Variants in PCDH11X observed in about 807,000 individuals in gnomAD.
The protein encoded by PCDH11X is protocadherin 11 X-linked, also known as protocadherin-11 X-linked.
Under a neutral mutation model 53.3 loss-of-function variants are expected in PCDH11X, and 18 were observed. The ratio of observed to expected loss-of-function variants is 0.34; its 90% CI spans 0.23 to 0.50. The LOEUF (loss-of-function observed/expected upper bound fraction) is 0.50. PCDH11X is among the 20% of genes least tolerant of loss of function. The pLI is 0.98. For missense variants in PCDH11X, 570 were observed against 1,032.4 expected, an observed-to-expected ratio of 0.55 and a Z score of 6.14; for synonymous variants, 279 against 393.3, an observed-to-expected ratio of 0.71 and a Z score of 3.44.
At chrX:92,383,447 G>C (rs1315342759) in intron 8 of PCDH11X, among the ~76,000 whole-genome samples, 1 of 109,287 alleles carries the variant, frequency 9.2e-6, no homozygotes, top group African/African-American at 3.3e-5. Flanking sequence ...TCTACATTAG[G>C]TATTTCTCCT....
rs61496530 is a variant in PCDH11X at position 91,990,345 on chromosome X, A to AT, written c.3033+111083dup. ...TTCCATATCTTTGCAGAAACTTTCT[A>AT]TTTTTTTTTTTCATTTGTTTCAATG... On this transcript the variant is annotated intron_variant, in intron 6 of 10. Coordinates refer to ENST00000682573, the MANE Select transcript of PCDH11X (RefSeq NM_032968.5). 9.9e-3 allele frequency among the ~76,000 whole-genome samples: 895 copies of AT among 90,203 alleles called. 13 individuals carry two copies. Among genetic ancestry groups the AT allele is most frequent in the African/African-American group, 0.036 (807 of 22,533 alleles). The allele number at this position is 90,203 out of a possible 115,157, so 78.3% of individuals were successfully genotyped here.
chrX:92,277,693 G>A (rs1042562125), intron 8 of PCDH11X, among the ~76,000 whole-genome samples: 4 of 109,420 alleles, frequency 3.7e-5, no homozygotes, highest in East Asian at 5.8e-4. Context: ...AGGGGTCAGG[G>A]CACGGAAATA....
At chrX:92,610,238 T>TC (rs1927230670) in intron 10 of PCDH11X, among the ~76,000 whole-genome samples, 1 of 112,221 alleles carries the variant, frequency 8.9e-6, no homozygotes, top group South Asian at 3.7e-4. Context: ...TTCTCTTTTC[T>TC]CCCCAACTTT....
At chrX:91,970,831 T>C (rs12861103) in intron 6 of PCDH11X, among the ~76,000 whole-genome samples, 1 of 111,701 alleles carries the variant, frequency 9.0e-6, no homozygotes, top group Admixed American at 9.6e-5. Context: ...TACTGAAATA[T>C]GGTGATATGG....
At chrX:92,040,550 G>A (rs1035338127) in intron 6 of PCDH11X, among the ~76,000 whole-genome samples, 2 of 111,804 alleles carry the variant, frequency 1.8e-5, no homozygotes, top group African/African-American at 6.5e-5. Flanking sequence ...CACTGCCAGC[G>A]ATATGGGAGG....
chrX:92,099,601 GGA>G (rs2148132258), intron 6 of PCDH11X, among the ~76,000 whole-genome samples: 1 of 111,922 alleles, frequency 8.9e-6, no homozygotes. Context: ...GAATAAAAAT[GGA>G]GAAAGAATAA....
intron 6 of PCDH11X, among the ~76,000 whole-genome samples, chrX:91,962,787 T>C (rs1045679534): frequency 1.3e-4 from 14 of 110,854 alleles, no homozygotes; most frequent in African/African-American, 4.6e-4. Flanking sequence ...AAAATCTAGA[T>C]AGAAGTTCCC....
At chrX:91,945,048 C>CATATATATATATATATATATATATATAT (rs754168068) in intron 6 of PCDH11X, among the ~76,000 whole-genome samples, 6 of 63,199 alleles carry the variant, frequency 9.5e-5, no homozygotes, top group Non-Finnish European at 1.2e-4. Flanking sequence ...ACATCATATA[C>CATATATATATATATATATATATATATAT]ATATATATAT....
chrX:91,997,712 G>A (rs1418213771), intron 6 of PCDH11X, among the ~76,000 whole-genome samples: 1 of 110,986 alleles, frequency 9.0e-6, no homozygotes, highest in East Asian at 2.8e-4. Context: ...TGGTAACAGG[G>A]TATTGCTGGT....
intron 6 of PCDH11X, among the ~76,000 whole-genome samples, chrX:92,194,700 C>T (rs761880249): frequency 1.6e-3 from 168 of 106,257 alleles, no homozygotes; most frequent in Non-Finnish European, 2.9e-3. Flanking sequence ...ATGTCTGGAA[C>T]AGCTAGAATC....
chrX:92,500,380 TA>T (rs2073939934), intron 10 of PCDH11X, among the ~76,000 whole-genome samples: 1 of 111,097 alleles, frequency 9.0e-6, no homozygotes, highest in Admixed American at 9.7e-5. Flanking sequence ...TAGAAAGGTA[TA>T]AAATATAATG....
intron 9 of PCDH11X, among the ~76,000 whole-genome samples, chrX:92,390,370 C>T (rs867277174): frequency 1.1e-4 from 10 of 93,676 alleles, no homozygotes; most frequent in Non-Finnish European, 1.5e-4. Context: ...TAACATAGTA[C>T]GTGTGTGTGT....
chrX:92,060,099 A>C (rs761652633), intron 6 of PCDH11X, among the ~76,000 whole-genome samples: 1 of 110,260 alleles, frequency 9.1e-6, no homozygotes, highest in Non-Finnish European at 1.9e-5. Flanking sequence ...GGGATTAGCT[A>C]ATTGCTTGGC....
chrX:91,783,267 C>G (rs1346692587), intron 1 of PCDH11X, among the ~76,000 whole-genome samples: 1 of 111,083 alleles, frequency 9.0e-6, no homozygotes, highest in Non-Finnish European at 1.9e-5. Context: ...AAGCATAAAA[C>G]ACACTCATTT....
chrX:92,401,475 T>C (rs997606774), intron 9 of PCDH11X, among the ~76,000 whole-genome samples: 2 of 111,321 alleles, frequency 1.8e-5, no homozygotes, highest in African/African-American at 6.5e-5. Context: ...TTGCAAATTT[T>C]AAGAATATTT....
Position 92,261,780 on chromosome X carries a change from T to A in PCDH11X, c.3115-1334T>A, listed in dbSNP as rs772483216. 2.1e-3 allele frequency among the ~76,000 whole-genome samples: 230 copies of A among 112,054 alleles called. 1 individual carries two copies. The highest frequency in any genetic ancestry group is 7.1e-3 in the African/African-American group (221 of 30,958). On this transcript the variant is annotated intron_variant, in intron 7 of 10. Coordinates refer to ENST00000682573, the MANE Select transcript of PCDH11X (RefSeq NM_032968.5). ...TAAAAATTTTTATCTATTATTTAAG[T>A]GTATCATTCATAATAAGGAGAGATA...
intron 7 of PCDH11X, among the ~76,000 whole-genome samples, chrX:92,248,358 G>T (rs1050875619): frequency 8.9e-6 from 1 of 111,760 alleles, no homozygotes; most frequent in African/African-American, 3.3e-5. Context: ...TATATAACTA[G>T]TCTTTAATTA....
At chrX:91,786,573 CTTTAT>C (rs1005752630) in intron 1 of PCDH11X, among the ~76,000 whole-genome samples, 4 of 88,555 alleles carry the variant, frequency 4.5e-5, no homozygotes, top group Non-Finnish European at 8.9e-5. Flanking sequence ...TTTCTGTCAC[CTTTAT>C]TTTGATTCAT....
chrX:92,202,483 A>G (rs2066406784), intron 7 of PCDH11X, among the ~76,000 whole-genome samples: 2 of 110,937 alleles, frequency 1.8e-5, no homozygotes, highest in Non-Finnish European at 3.8e-5. Flanking sequence ...AGACAGTTTA[A>G]TGACAGCCTG....
Sources: gnomAD v4.1 joint callset for allele counts (sites outside exome capture counted in the v4.1 genomes callset) on GRCh38, gnomAD v4.1.1 for gene constraint, MANE v1.5 for transcripts, NCBI Gene and HGNC (gene_info 2026-07-23, HGNC 2026-07-21) for gene names.